The following STAT3 variants were observed in gnomAD, a reference collection of about 807,000 sequenced individuals.
STAT3 encodes the protein DNA-binding protein APRF.
Under a neutral mutation model 114.3 loss-of-function variants are expected in STAT3, and 7 were observed. The ratio of observed to expected loss-of-function variants is 0.06; its 90% CI spans 0.03 to 0.11. The LOEUF is 0.11. Ranked by LOEUF, STAT3 falls within the 10% of genes least tolerant of loss-of-function variation. The pLI, the probability that STAT3 is intolerant of heterozygous loss-of-function variation, is 1.00. For synonymous variants in STAT3, 331 were observed against 354.5 expected (o/e 0.93, Z 0.74); for missense variants, 364 against 960.9 (o/e 0.38, Z 8.21).
chr17:42,377,455 A>G (rs2084530369), intron 1 of STAT3, among the ~76,000 whole-genome samples: 1 of 152,164 alleles, frequency 6.6e-6, no homozygotes, highest in South Asian at 2.1e-4. Context: ...CTCTAAGATA[A>G]AGTGACAAAA....
chr17:42,360,658 G>T (rs924714571), intron 1 of STAT3, among the ~76,000 whole-genome samples: 4 of 150,606 alleles, frequency 2.7e-5, no homozygotes, highest in African/African-American at 7.3e-5. Flanking sequence ...AAAAAAAAAA[G>T]AATTTTAGTT....
chr17:42,339,377 G>A lies in STAT3; in HGVS notation c.405C>T (p.Ala135=), dbSNP rs201846078. The A allele has an allele frequency of 1.1e-4, 181 of 1,614,050 alleles. No homozygotes were observed. In the Middle Eastern group the frequency reaches 1.2e-3, roughly 10 times the overall value. The change falls in exon 5 of 24, where the codon GCC becomes GCT. Residue 135 remains alanine, a synonymous_variant. Coordinates refer to ENST00000264657, the MANE Select transcript of STAT3 (RefSeq NM_139276.3). ...QGGQANHPTA[A]VVTEKQQMLE... ...GCATCTGCTGCTTCTCCGTCACCACGGCTGCTGTGGGGTGGTTGGCCTGGC... is the reference window on the plus strand; with the variant it reads ...GCATCTGCTGCTTCTCCGTCACCACAGCTGCTGTGGGGTGGTTGGCCTGGC...
intron 1 of STAT3, among the ~76,000 whole-genome samples, chr17:42,374,610 CAAAA>C (rs1260078348): frequency 8.3e-6 from 1 of 120,930 alleles, no homozygotes. Flanking sequence ...AACTCCATCT[CAAAA>C]AAAAAAAAAA....
chr17:42,343,455 C>CT (rs34846688), intron 4 of STAT3, among the ~76,000 whole-genome samples: 1,432 of 99,128 alleles, frequency 0.014, 36 homozygotes, highest in African/African-American at 0.035. Context: ...TCAGATCTTT[C>CT]TTTTTTTTTT....
intron 1 of STAT3, among the ~76,000 whole-genome samples, chr17:42,374,474 G>C (rs2084341367): frequency 6.6e-6 from 1 of 152,072 alleles, no homozygotes; most frequent in Non-Finnish European, 1.5e-5. Context: ...GCCAGGCATG[G>C]TGGTGCATGC....
At chr17:42,373,095 T>TA (rs1261048428) in intron 1 of STAT3, among the ~76,000 whole-genome samples, 1 of 152,206 alleles carries the variant, frequency 6.6e-6, no homozygotes, top group Non-Finnish European at 1.5e-5. Context: ...CTCACGCCTG[T>TA]AATCCCAGCA....
chr17:42,331,659 G>T, intron 10 of STAT3, 128 bp from the exon 11 acceptor site: 2 of 763,758 alleles, frequency 2.6e-6, no homozygotes, highest in Non-Finnish European at 4.4e-6. Flanking sequence ...TATAATTACA[G>T]GCTCACATCT....
chr17:42,351,925 A>AT lies in STAT3; in HGVS notation c.-23-3387dup, dbSNP rs911794314. Among the ~76,000 whole-genome samples the AT allele has an allele frequency of 3.6e-3, 528 of 146,666 alleles. 4 individuals are homozygous for AT. The highest frequency in any genetic ancestry group is 8.5e-3 in the African/African-American group (340 of 40,104). On this transcript the variant is annotated intron_variant, in intron 1 of 23. Transcript: ENST00000264657. ...AGGCACGCACCACCATGCCCAGCTA[A>AT]TTTTTTTTTTTGTATTTTTTAGTAG...
At chr17:42,335,538 G>C (rs2082195142) in intron 8 of STAT3, among the ~76,000 whole-genome samples, 1 of 152,184 alleles carries the variant, frequency 6.6e-6, no homozygotes, top group Admixed American at 6.5e-5. Flanking sequence ...CAAAGGACAT[G>C]ACATTATGTT....
rs528219097 is a variant in STAT3 at position 42,388,395 on chromosome 17, G to A, written c.-140C>T. On this transcript the variant is annotated 5_prime_UTR_variant, in exon 1 of 24. Transcript: ENST00000264657. Reference sequence around the variant, plus strand: ...CGAGGGGGAGAGACAGCGCCAAGCCGGGGTGCCTGTCCAGGATCCGGTTGG... The same window carrying A: ...CGAGGGGGAGAGACAGCGCCAAGCCAGGGTGCCTGTCCAGGATCCGGTTGG... 5.7e-4 allele frequency: 706 copies of A among 1,231,666 alleles called. No individual in the cohort carries two copies. The highest frequency in any genetic ancestry group is 7.0e-4 in the Non-Finnish European group (692 of 987,888). 76.3% of individuals were successfully genotyped at this position (1,231,666 alleles called of 1,614,324 possible). A position where few individuals can be genotyped will look rare whatever the true frequency, so the allele number is the denominator to read the frequency against.
At chr17:42,370,713 C>T (rs1007320202) in intron 1 of STAT3, among the ~76,000 whole-genome samples, 2 of 151,930 alleles carry the variant, frequency 1.3e-5, no homozygotes, top group Admixed American at 6.6e-5. Flanking sequence ...CTGCAACCTC[C>T]GCCTCCCAAG....
chr17:42,326,244 A>G, intron 14 of STAT3, 45 bp from the exon 15 acceptor site: 1 of 1,570,290 alleles, frequency 6.4e-7, no homozygotes, highest in Non-Finnish European at 8.8e-7. Flanking sequence ...GTGGTGGCTC[A>G]TGCCTGTAAT....
chr17:42,346,505 G>A (rs1033722911), intron 3 of STAT3, 64 bp downstream of exon 3: 2 of 1,609,250 alleles, frequency 1.2e-6, no homozygotes, highest in South Asian at 1.1e-5. Context: ...ATGCTTCCAG[G>A]AAAGAACACT....
chr17:42,379,600 C>T (rs2084663585), intron 1 of STAT3, among the ~76,000 whole-genome samples: 1 of 152,204 alleles, frequency 6.6e-6, no homozygotes, highest in Admixed American at 6.6e-5. Context: ...AAGGTTCCTC[C>T]TGTTGGCTTC....
intron 1 of STAT3, among the ~76,000 whole-genome samples, chr17:42,361,755 A>G (rs2083520390): frequency 1.3e-5 from 2 of 152,134 alleles, no homozygotes; most frequent in African/African-American, 4.8e-5. Context: ...AGGAGGCTGG[A>G]GAAGGCTCTC....
Position 42,387,020 on chromosome 17 carries a change from T to C in STAT3, c.-24+1259A>G, listed in dbSNP as rs376116284. ...TCATAACACAGTCTAAATCCACATA[T>C]AAAAGATTGAGATGATTTTCTGCTT... is the stretch of plus-strand genomic sequence containing the variant. On this transcript the variant is annotated intron_variant, in intron 1 of 23. Coordinates refer to ENST00000264657, the MANE Select transcript of STAT3 (RefSeq NM_139276.3). The C allele has an allele frequency of 2.6e-5, 4 of 152,150 alleles. No homozygotes were observed. The East Asian group carries it at 5.8e-4, about 22-fold the overall frequency. 9.4% of individuals were successfully genotyped at this position (152,150 alleles called of 1,614,324 possible).
intron 1 of STAT3, 85 bp downstream of exon 1, chr17:42,388,194 C>A (rs571737102): frequency 6.5e-6 from 8 of 1,222,176 alleles, no homozygotes; most frequent in Middle Eastern, 3.1e-4. Context: ...ATCACAACAT[C>A]CCCAAGGTCC....
At chr17:42,341,211 C>T (rs553501957) in intron 4 of STAT3, among the ~76,000 whole-genome samples, 1 of 152,334 alleles carries the variant, frequency 6.6e-6, no homozygotes, top group East Asian at 1.9e-4. Context: ...CTAATACCTT[C>T]GTAAAAAACT....
At chr17:42,351,917 C>T (rs1306927854) in intron 1 of STAT3, among the ~76,000 whole-genome samples, 2 of 151,954 alleles carry the variant, frequency 1.3e-5, no homozygotes, top group Non-Finnish European at 1.5e-5. Context: ...CACCACCATG[C>T]CCAGCTAATT....
Sources: gnomAD v4.1 joint callset for allele counts (sites outside exome capture counted in the v4.1 genomes callset) on GRCh38, gnomAD v4.1.1 for gene constraint, MANE v1.5 for transcripts, NCBI Gene and HGNC (gene_info 2026-07-23, HGNC 2026-07-21) for gene names.